The following ZNF264 variants were observed in gnomAD, a reference collection of about 807,000 sequenced individuals.
ZNF264 encodes zinc finger protein 264.
ZNF264 carries 11 observed loss-of-function variants against 11.2 expected under a neutral mutation model. That is an observed-to-expected ratio of 0.98 (90% CI 0.62 to 1.63). The LOEUF is 1.63. Among genes scored for constraint, ZNF264 ranks in the 40% most tolerant of loss-of-function variants. The pLI is 0.00. For missense variants in ZNF264, 752 were observed against 768.1 expected, an observed-to-expected ratio of 0.98 and a Z score of 0.25; for synonymous variants, 309 against 279.8, an observed-to-expected ratio of 1.10 and a Z score of -1.04.
At chr19:57,197,458 A>T (rs1270568038) in intron 2 of ZNF264, among the ~76,000 whole-genome samples, 2 of 151,860 alleles carry the variant, frequency 1.3e-5, no homozygotes, top group East Asian at 3.9e-4. Flanking sequence ...CTTCGCTGTG[A>T]TTCACCTATG....
In ZNF264 at chr19:57,200,016, GAA is replaced by G. The variant is rs375043353; in HGVS notation, c.161-5376_161-5375del. ...ACCTCCACTCCTAAAAAAAAAAAAA[GAA>G]AAAATGATGAACTCAGGGATTCTAA... On this transcript the variant is annotated intron_variant, in intron 2 of 3. Coordinates refer to ENST00000263095, the MANE Select transcript of ZNF264 (RefSeq NM_003417.5). Among the ~76,000 whole-genome samples, 214 of 42,888 alleles carry G rather than the reference GAA, an allele frequency of 5.0e-3. 3 individuals carry two copies. In the Middle Eastern group the frequency reaches 0.093, roughly 19 times the overall value. 28.1% of individuals were successfully genotyped at this position (42,888 alleles called of 152,430 possible). A position where few individuals can be genotyped will look rare whatever the true frequency, so the allele number is the denominator to read the frequency against.
chr19:57,211,563 C>G lies in ZNF264; in HGVS notation c.466C>G (p.Pro156Ala). ...PQEKSPGKMS[P>A]ECDGLGTADG... The stretch of plus-strand genomic sequence containing the variant: ...GGAGAAGTCTCCTGGGAAGATGAGC[C>G]CTGAATGTGATGGTTTAGGGACAGC... The change falls in exon 4 of 4, where the codon CCT (proline) becomes GCT (alanine). Residue 156 changes from proline (P) to alanine (A), a missense_variant. Transcript: ENST00000263095. 2 of 1,613,886 alleles carry G rather than the reference C, an allele frequency of 1.2e-6. No homozygotes were observed. The highest frequency in any genetic ancestry group is 1.7e-6 in the Non-Finnish European group (2 of 1,179,966).
At chr19:57,202,293 G>C (rs2087258932) in intron 2 of ZNF264, among the ~76,000 whole-genome samples, 1 of 152,028 alleles carries the variant, frequency 6.6e-6, no homozygotes, top group South Asian at 2.1e-4. Context: ...AACATTGAAA[G>C]AAGAATTCAT....
At chr19:57,204,240 G>T (rs1025859853) in intron 2 of ZNF264, among the ~76,000 whole-genome samples, 1 of 151,204 alleles carries the variant, frequency 6.6e-6, no homozygotes, top group Non-Finnish European at 1.5e-5. Context: ...AAAAAACTGT[G>T]TGGCCTTGGT....
chr19:57,199,609 T>C (rs1683438923), intron 2 of ZNF264, among the ~76,000 whole-genome samples: 1 of 151,904 alleles, frequency 6.6e-6, no homozygotes, highest in African/African-American at 2.4e-5. Context: ...CTGATGCATC[T>C]GTATGTTCCT....
chr19:57,194,067 T>C lies in ZNF264; in HGVS notation c.160+66T>C. ...CACTTCCTTCATTCCATCTTCTGAC[T>C]CCAGGCCTGGCTGCACAAGAAGGCC... On this transcript the variant is annotated intron_variant, in intron 2 of 3. Transcript: ENST00000263095. The C allele has an allele frequency of 1.9e-6, 3 of 1,539,110 alleles. 1 individual carries two copies. The highest frequency in any genetic ancestry group is 2.5e-5 in the South Asian group (2 of 78,696).
In ZNF264 at chr19:57,218,612, ATCT is replaced by A. The variant is rs1465662940; in HGVS notation, c.*5633_*5635del. The A allele has an allele frequency of 6.6e-6, 1 of 152,040 alleles. No individual in the cohort carries two copies. The highest frequency in any genetic ancestry group is 1.5e-5 in the Non-Finnish European group (1 of 67,996). The allele number at this position is 152,040 out of a possible 1,614,324, so 9.4% of individuals were successfully genotyped here. A position where few individuals can be genotyped will look rare whatever the true frequency, so the allele number is the denominator to read the frequency against. On this transcript the variant is annotated 3_prime_UTR_variant, in exon 4 of 4. Coordinates refer to ENST00000263095, the MANE Select transcript of ZNF264 (RefSeq NM_003417.5). ...GGGACTTCAATAACATGAGTGGCAG[ATCT>A]TGTTTTACACTCCCATGGGTCCTTC...
At chr19:57,199,431 A>G (rs935362907) in intron 2 of ZNF264, among the ~76,000 whole-genome samples, 3 of 151,866 alleles carry the variant, frequency 2.0e-5, no homozygotes, top group Non-Finnish European at 2.9e-5. Flanking sequence ...CTTCCTCTAC[A>G]TTAGACCAAG....
intron 2 of ZNF264, chr19:57,195,033 G>A: frequency 2.6e-6 from 1 of 378,886 alleles, no homozygotes; most frequent in Non-Finnish European, 4.7e-6. Context: ...ACACAGGATG[G>A]GAAGCCTTCA....
intron 3 of ZNF264, among the ~76,000 whole-genome samples, chr19:57,211,130 C>T (rs1380574050): frequency 1.3e-5 from 2 of 152,142 alleles, no homozygotes; most frequent in Admixed American, 6.6e-5. Flanking sequence ...CACGAACAGA[C>T]GCATTGTCTC....
intron 2 of ZNF264, among the ~76,000 whole-genome samples, chr19:57,201,119 CTAAA>C (rs374939834): frequency 7.9e-5 from 12 of 151,850 alleles, no homozygotes; most frequent in African/African-American, 2.9e-4. Context: ...GTTTTTAAGA[CTAAA>C]TAAGGGTGGT....
rs143658166 is a variant in ZNF264 at position 57,195,114 on chromosome 19, A to G, written c.160+1113A>G. The G allele has an allele frequency of 5.1e-3, 1,643 of 323,268 alleles. 25 individuals carry two copies. The highest frequency in any genetic ancestry group is 0.032 in the African/African-American group (1,491 of 47,036). The allele number at this position is 323,268 out of a possible 1,614,324, so 20.0% of individuals were successfully genotyped here. ...CTCCATCCCTTGTCAACTTGAACCC[A>G]TACACATCTCCTGAGATCATACATA... On this transcript the variant is annotated intron_variant, in intron 2 of 3. Coordinates refer to ENST00000263095, the MANE Select transcript of ZNF264 (RefSeq NM_003417.5).
In ZNF264 at chr19:57,212,616, G is replaced by A. The variant is rs776700514; in HGVS notation, c.1519G>A (p.Gly507Arg). ...CACGAGGCACAAGCGGATTCATAGTGGAGAGAAGCCCTATGAATGTGTTGA... is the reference window on the plus strand; with the variant it reads ...CACGAGGCACAAGCGGATTCATAGTAGAGAGAAGCCCTATGAATGTGTTGA... Reference protein sequence around the residue: ...GLTRHKRIHSGEKPYECVECG... With the variant: ...GLTRHKRIHSREKPYECVECG... Residue 507 changes from glycine to arginine, a missense_variant, in exon 4 of 4, where the codon GGA becomes AGA. By Grantham distance (125) the Gly-to-Arg change is moderately radical. Transcript: ENST00000263095. 1.9e-6 allele frequency: 3 copies of A among 1,614,154 alleles called. No individual in the cohort carries two copies. The Admixed American group carries it at 5.0e-5, about 27-fold the overall frequency.
At chr19:57,197,466 A>G (rs889907886) in intron 2 of ZNF264, among the ~76,000 whole-genome samples, 7 of 151,796 alleles carry the variant, frequency 4.6e-5, no homozygotes, top group African/African-American at 1.5e-4. Flanking sequence ...TGATTCACCT[A>G]TGGGGGCCTG....
At chr19:57,191,989 G>A (rs2087176760) in intron 1 of ZNF264, 43 bp downstream of exon 1, 1 of 1,495,640 alleles carries the variant, frequency 6.7e-7, no homozygotes. Flanking sequence ...CCTTGCCAGC[G>A]CTGAGGCGGT....
rs373558211 is a variant in ZNF264, at chr19:57,191,531, T to C, written c.-383T>C. 1.3e-5 allele frequency: 3 copies of C among 223,980 alleles called. No homozygotes were observed. In the East Asian group the frequency reaches 2.6e-4, roughly 19 times the overall value. 13.9% of individuals were successfully genotyped at this position (223,980 alleles called of 1,614,324 possible). ...TTCTGCACTTCTGTCTGGAGAGGTC[T>C]GTAGCCACTGAGGGCCCCGGTCGGG... On this transcript the variant is annotated 5_prime_UTR_variant, in exon 1 of 4. Coordinates refer to ENST00000263095, the MANE Select transcript of ZNF264 (RefSeq NM_003417.5).
At chr19:57,192,371 T>C in intron 1 of ZNF264, 1 of 985,344 alleles carries the variant, frequency 1.0e-6, no homozygotes, top group Non-Finnish European at 1.2e-6. Context: ...CGCTGAGACG[T>C]GGAGGGCAAC....
At position 57,213,410 on chromosome 19, in the gene ZNF264, C is replaced by T. The variant is rs2087356527; in HGVS notation, c.*429C>T. ...CTTTAATCGCACATCTTCTGTATTC[C>T]ACAATAGTACTTACTCTTGAGAAGC... On this transcript the variant is annotated 3_prime_UTR_variant, in exon 4 of 4. Coordinates refer to ENST00000263095, the MANE Select transcript of ZNF264 (RefSeq NM_003417.5). 1 of 161,896 alleles carries T rather than the reference C, an allele frequency of 6.2e-6. No homozygotes were observed. The highest frequency in any genetic ancestry group is 1.4e-5 in the Non-Finnish European group (1 of 72,798). 10.0% of individuals were successfully genotyped at this position (161,896 alleles called of 1,614,324 possible).
intron 1 of ZNF264, chr19:57,192,566 G>A (rs771451845): frequency 1.4e-4 from 139 of 985,262 alleles, no homozygotes; most frequent in Non-Finnish European, 1.6e-4. Context: ...AGAGGCCGAT[G>A]GTTGGTTCAT....
Sources: allele counts gnomAD v4.1 joint callset (sites outside exome capture counted in the v4.1 genomes callset), GRCh38; gene constraint gnomAD v4.1.1; transcripts MANE v1.5; gene names NCBI Gene and HGNC (gene_info 2026-07-23, HGNC 2026-07-21).